GFRA1: variants seen among roughly 807,000 people sequenced by gnomAD.
The protein encoded by GFRA1 is GDNF family receptor alpha-1.
Under a neutral mutation model 51.6 loss-of-function variants are expected in GFRA1, and 16 were observed. The observed-to-expected ratio is 0.31, with a 90% confidence interval of 0.21 to 0.47. The LOEUF (loss-of-function observed/expected upper bound fraction) is 0.47, where lower values mean the gene tolerates loss of function less well. GFRA1 is among the 20% of genes least tolerant of loss of function. The pLI is 1.00. For missense variants in GFRA1, 530 were observed against 594.3 expected (o/e 0.89, Z 1.13); for synonymous variants, 270 against 241.3 (o/e 1.12, Z -1.10).
chr10:116,166,809 T>G (rs1960483191), intron 5 of GFRA1, among the ~76,000 whole-genome samples: 1 of 55,686 alleles, frequency 1.8e-5, no homozygotes. Context: ...TTTTTTTTTT[T>G]TTTTTGTTGA....
chr10:116,125,204 T>C lies in GFRA1; in HGVS notation c.770+17A>G. ...CCCTGTCACCTCATTAATCACCAGCTGCCAGTGCCCACTTACCTGCAGATG... is the reference window on the plus strand; with the variant it reads ...CCCTGTCACCTCATTAATCACCAGCCGCCAGTGCCCACTTACCTGCAGATG... On this transcript the variant is annotated intron_variant, in intron 6 of 10. Coordinates refer to ENST00000355422, the MANE Select transcript of GFRA1 (RefSeq NM_005264.8). The C allele has an allele frequency of 6.2e-7, 1 of 1,602,380 alleles. No individual in the cohort carries two copies.
intron 5 of GFRA1, among the ~76,000 whole-genome samples, chr10:116,155,568 A>C (rs981819257): frequency 1.3e-5 from 2 of 152,348 alleles, no homozygotes; most frequent in East Asian, 1.9e-4. Flanking sequence ...ATGATTGTAC[A>C]TATCACCACA....
At chr10:116,252,420 G>A (rs1375616252) in intron 4 of GFRA1, among the ~76,000 whole-genome samples, 2 of 152,114 alleles carry the variant, frequency 1.3e-5, no homozygotes, top group Non-Finnish European at 2.9e-5. Flanking sequence ...GTCAATTGCC[G>A]CCCTCACACT....
At chr10:116,226,857 C>T (rs1187144037) in intron 4 of GFRA1, 8 of 287,814 alleles carry the variant, frequency 2.8e-5, no homozygotes, top group Admixed American at 1.1e-4. Flanking sequence ...ATAAGGAGCA[C>T]GCAACATAGA....
At position 116,057,371 on chromosome 10, in the gene GFRA1, T is replaced by C. The variant is rs1479021586; in HGVS notation, c.*7027A>G. On this transcript the variant is annotated 3_prime_UTR_variant, in exon 11 of 11. Coordinates refer to ENST00000355422, the MANE Select transcript of GFRA1 (RefSeq NM_005264.8). ...GGTGTCTGAACCCCTCACTCAGGAA[T>C]GAATTCTAAAAATACCCTAAAAATC... 2.0e-5 allele frequency: 3 copies of C among 152,144 alleles called. No individual in the cohort carries two copies. The highest frequency in any genetic ancestry group is 4.1e-4 in the South Asian group (2 of 4,828). 9.4% of individuals were successfully genotyped at this position (152,144 alleles called of 1,614,324 possible).
chr10:116,162,149 G>A (rs1959877119), intron 5 of GFRA1, among the ~76,000 whole-genome samples: 1 of 152,168 alleles, frequency 6.6e-6, no homozygotes, highest in South Asian at 2.1e-4. Flanking sequence ...AGCTCTCCCA[G>A]AATCTAAACG....
chr10:116,104,063 T>C (rs1956916417), intron 6 of GFRA1, among the ~76,000 whole-genome samples: 2 of 152,158 alleles, frequency 1.3e-5, no homozygotes, highest in South Asian at 4.1e-4. Context: ...GAGGTCCACA[T>C]GCCCCAGGTG....
intron 5 of GFRA1, among the ~76,000 whole-genome samples, chr10:116,154,161 GA>G (rs1487255085): frequency 6.6e-6 from 1 of 152,102 alleles, no homozygotes; most frequent in Non-Finnish European, 1.5e-5. Flanking sequence ...GACCACTTCG[GA>G]AGTCTAAACT....
chr10:116,271,941 C>G (rs1843976867), intron 2 of GFRA1, 49 bp downstream of exon 2: 2 of 1,480,482 alleles, frequency 1.4e-6, no homozygotes, highest in Non-Finnish European at 1.8e-6. Flanking sequence ...GCAAGCGACC[C>G]TAGGAAAGAC....
In GFRA1 at chr10:116,104,081, G is replaced by A. The variant is rs149032640; in HGVS notation, c.771-7317C>T. Among the ~76,000 whole-genome samples, 283 of 152,264 alleles carry A rather than the reference G, an allele frequency of 1.9e-3. 1 individual carries two copies. Among genetic ancestry groups the A allele is most frequent in the African/African-American group, 6.6e-3 (276 of 41,550 alleles). On this transcript the variant is annotated intron_variant, in intron 6 of 10. Coordinates refer to ENST00000355422, the MANE Select transcript of GFRA1 (RefSeq NM_005264.8). The stretch of plus-strand genomic sequence containing the variant: ...GTCCACATGCCCCAGGTGCAGATGC[G>A]CAAAGCTCTGTGCATCTTGCATTCA...
intron 9 of GFRA1, among the ~76,000 whole-genome samples, chr10:116,076,076 G>T (rs1044313252): frequency 6.6e-6 from 1 of 151,956 alleles, no homozygotes; most frequent in Non-Finnish European, 1.5e-5. Flanking sequence ...TGTCGGACTG[G>T]AGCAAAACAA....
At chr10:116,194,876 A>G (rs1241014805) in intron 5 of GFRA1, among the ~76,000 whole-genome samples, 1 of 152,188 alleles carries the variant, frequency 6.6e-6, no homozygotes, top group African/African-American at 2.4e-5. Context: ...TGCTATCAAG[A>G]CACAGGAAAG....
chr10:116,272,151 T>A lies in GFRA1; in HGVS notation c.-122A>T, dbSNP rs1844009391. The A allele has an allele frequency of 9.2e-6, 8 of 868,774 alleles. No homozygotes were observed. The highest frequency in any genetic ancestry group is 1.5e-5 in the Non-Finnish European group (8 of 530,252). The allele number at this position is 868,774 out of a possible 1,614,324, so 53.8% of individuals were successfully genotyped here. A position where few individuals can be genotyped will look rare whatever the true frequency, so the allele number is the denominator to read the frequency against. The stretch of plus-strand genomic sequence containing the variant: ...GCTGTGCTGCTCTGGCCGCCCAAAG[T>A]TCAGCTCCATCCAGTGAAAGAGGAA... On this transcript the variant is annotated 5_prime_UTR_variant, in exon 2 of 11. Transcript: ENST00000355422. This position sits in a 1 kb window ranked among gnomAD's most constrained non-coding sequence, Gnocchi z 4.4.
At chr10:116,159,275 C>T (rs1959495385) in intron 5 of GFRA1, among the ~76,000 whole-genome samples, 1 of 152,180 alleles carries the variant, frequency 6.6e-6, no homozygotes, top group South Asian at 2.1e-4. Context: ...CCAGCTCGTT[C>T]TAGTCTCATC....
chr10:116,271,181 C>A, intron 2 of GFRA1, 66 bp from the exon 3 acceptor site: 2 of 1,401,116 alleles, frequency 1.4e-6, no homozygotes, highest in South Asian at 1.3e-5. Context: ...CTGCTCCGGG[C>A]GAGGGCGCGC....
intron 6 of GFRA1, among the ~76,000 whole-genome samples, chr10:116,099,948 A>T (rs1956752846): frequency 6.6e-6 from 1 of 152,224 alleles, no homozygotes; most frequent in Non-Finnish European, 1.5e-5. Flanking sequence ...CTAATTCTGT[A>T]GTCAAGGAAA....
At chr10:116,163,048 G>A (rs78023219) in intron 5 of GFRA1, among the ~76,000 whole-genome samples, 2,252 of 152,272 alleles carry the variant, frequency 0.015, 20 homozygotes, top group Middle Eastern at 0.024. Context: ...GGTCCATAGC[G>A]TGGGAAAGGC....
At chr10:116,092,325 G>A (rs191251634) in intron 8 of GFRA1, among the ~76,000 whole-genome samples, 1 of 152,252 alleles carries the variant, frequency 6.6e-6, no homozygotes, top group Non-Finnish European at 1.5e-5. Flanking sequence ...GAAGTGTCTG[G>A]TAAGCAAATG....
upstream of GFRA1, among the ~76,000 whole-genome samples, chr10:116,273,648 T>A (rs983962164): frequency 1.3e-3 from 7 of 5,202 alleles, no homozygotes; most frequent in African/African-American, 2.8e-3. Context: ...ACACACACAC[T>A]CTCTCTCTCT....
Sources: allele counts gnomAD v4.1 joint callset (sites outside exome capture counted in the v4.1 genomes callset), GRCh38; gene constraint gnomAD v4.1.1; non-coding constraint Gnocchi (gnomAD v3.1); transcripts MANE v1.5; gene names NCBI Gene and HGNC (gene_info 2026-07-23, HGNC 2026-07-21).